Variants in CEP57 observed in about 807,000 individuals in gnomAD.
CEP57 encodes the protein centrosomal protein 57, also known as centrosomal protein of 57 kDa.
A neutral mutation model predicts 68.0 loss-of-function variants in CEP57; 40 were observed. That is an observed-to-expected ratio of 0.59 (90% CI 0.46 to 0.77). CEP57 has a LOEUF of 0.77. CEP57 is among the 30% of genes least tolerant of loss of function. The pLI, the probability that CEP57 is intolerant of heterozygous loss-of-function variation, is 0.00. For synonymous variants in CEP57, 219 were observed against 198.7 expected (o/e 1.10, Z -0.86); for missense variants, 606 against 580.7 (o/e 1.04, Z -0.45).
At chr11:95,806,577 C>T (rs189471864) in intron 2 of CEP57, among the ~76,000 whole-genome samples, 1 of 151,328 alleles carries the variant, frequency 6.6e-6, no homozygotes, top group Non-Finnish European at 1.5e-5. Flanking sequence ...AGATTATATC[C>T]TGTTCCTGGC....
At chr11:95,809,275 A>G (rs1183415846) in intron 2 of CEP57, among the ~76,000 whole-genome samples, 1 of 152,208 alleles carries the variant, frequency 6.6e-6, no homozygotes, top group African/African-American at 2.4e-5. Flanking sequence ...TGACACCCTA[A>G]CATCACAATT....
At chr11:95,827,736 T>G in intron 8 of CEP57, 50 bp from the exon 9 acceptor site, 1 of 1,609,348 alleles carries the variant, frequency 6.2e-7, no homozygotes, top group Non-Finnish European at 8.5e-7. Context: ...TAGAAAGTGG[T>G]GTAGAGAATA....
chr11:95,819,650 T>C (rs536185818), intron 6 of CEP57, among the ~76,000 whole-genome samples: 10 of 152,322 alleles, frequency 6.6e-5, no homozygotes, highest in African/African-American at 2.4e-4. Flanking sequence ...TTTTATGATA[T>C]TTGCATGTAT....
rs117602509 is a variant in CEP57 at position 95,821,986 on chromosome 11, G to A, written c.807+8G>A. On this transcript the variant is annotated splice_region_variant and intron_variant, in intron 7 of 10. Transcript: ENST00000325542. ...TCAAAACCACCAGAAAAGGTGTGAA[G>A]ACAGAACCAAATCAGGCAAAATGCT... is the stretch of plus-strand genomic sequence containing the variant. 898 of 1,595,888 alleles carry A rather than the reference G, an allele frequency of 5.6e-4. 12 individuals are homozygous for A. In the East Asian group the frequency reaches 0.019, roughly 34 times the overall value.
chr11:95,814,504 G>A (rs993443991), intron 4 of CEP57, among the ~76,000 whole-genome samples: 16 of 152,046 alleles, frequency 1.1e-4, no homozygotes, highest in African/African-American at 3.9e-4. Context: ...GGGATTACAG[G>A]CATGTGCCAC....
intron 1 of CEP57, among the ~76,000 whole-genome samples, chr11:95,796,165 A>G (rs1041623467): frequency 1.3e-5 from 2 of 152,250 alleles, no homozygotes; most frequent in Admixed American, 6.5e-5. Context: ...AGCAAGTAAT[A>G]TGCATTTTTA....
At chr11:95,808,846 G>A (rs1253421203) in intron 2 of CEP57, among the ~76,000 whole-genome samples, 3 of 152,186 alleles carry the variant, frequency 2.0e-5, no homozygotes, top group African/African-American at 2.4e-5. Context: ...GTTCTGCACC[G>A]AGCGAACCTA....
chr11:95,824,149 C>T (rs990265963), intron 8 of CEP57, among the ~76,000 whole-genome samples: 1 of 150,042 alleles, frequency 6.7e-6, no homozygotes, highest in Non-Finnish European at 1.5e-5. Flanking sequence ...AGGAGGCTGA[C>T]AGAAGAGGAT....
In CEP57 at chr11:95,799,244, G is replaced by A; in HGVS notation, c.58G>A (p.Glu20Lys). The A allele has an allele frequency of 6.2e-7, 1 of 1,614,008 alleles. No homozygotes were observed. The highest frequency in any genetic ancestry group is 8.5e-7 in the Non-Finnish European group (1 of 1,179,980). The change falls in exon 2 of 11, where the codon GAG becomes AAG. Residue 20 changes from glutamate (E) to lysine (K), a missense_variant. Glu to Lys is a moderately conservative substitution (Grantham distance 56). Coordinates refer to ENST00000325542, the MANE Select transcript of CEP57 (RefSeq NM_014679.5). Reference sequence around the variant, plus strand: ...CTTTATTTTTTAGAACAGCTTTGCTGAGCCATCAAGGTCTAATGGAAGCAT... The same window carrying A: ...CTTTATTTTTTAGAACAGCTTTGCTAAGCCATCAAGGTCTAATGGAAGCAT... The part of the protein sequence containing the change: ...SGSHLSNSFA[E>K]PSRSNGSMVR...
rs1458232117 is a variant in CEP57, at chr11:95,817,825, T to C, written c.543T>C (p.His181=). 3.7e-6 allele frequency: 6 copies of C among 1,613,890 alleles called. No individual in the cohort carries two copies. Among genetic ancestry groups the C allele is most frequent in the East Asian group, 4.5e-5 (2 of 44,850 alleles). ...GAGAACGACAACATGATCAAACACA[T>C]GTTCAGAGCCAACTTGAAAAATTGG... The part of the protein sequence containing the change: ...LERERQHDQT[H]VQSQLEKLDL... Residue 181 remains histidine, a synonymous_variant, in exon 5 of 11, where the codon CAT becomes CAC. Coordinates refer to ENST00000325542, the MANE Select transcript of CEP57 (RefSeq NM_014679.5).
intron 1 of CEP57, chr11:95,794,290 TC>T (rs748839276): frequency 2.2e-6 from 1 of 455,956 alleles, no homozygotes; most frequent in South Asian, 1.5e-5. Flanking sequence ...TCAACCCGTA[TC>T]ATTTTCAAGA....
chr11:95,817,699 C>A, intron 4 of CEP57, 88 bp from the exon 5 acceptor site: 2 of 874,246 alleles, frequency 2.3e-6, no homozygotes, highest in Non-Finnish European at 3.9e-6. Flanking sequence ...ATGTGAAGGG[C>A]CAAATAACAG....
At chr11:95,790,414 G>A, upstream of CEP57, 1 of 533,098 alleles carries the variant, frequency 1.9e-6, no homozygotes, top group East Asian at 3.2e-5. Context: ...GACGTCACCA[G>A]GGAAGAGGCG....
At chr11:95,829,411 C>T in intron 10 of CEP57, 80 bp downstream of exon 10, 1 of 1,344,512 alleles carries the variant, frequency 7.4e-7, no homozygotes, top group Non-Finnish European at 1.1e-6. Flanking sequence ...AATGATGACA[C>T]TAAGTGTATC....
intron 4 of CEP57, among the ~76,000 whole-genome samples, chr11:95,814,888 G>A (rs115680125): frequency 1.3e-3 from 202 of 152,238 alleles, no homozygotes; most frequent in African/African-American, 4.5e-3. Context: ...ATCCATGGAT[G>A]CTCAAGTCTC....
rs1005543441 is a variant in CEP57 at position 95,827,883 on chromosome 11, A to G, written c.983A>G (p.Asn328Ser). Residue 328 changes from asparagine (N) to serine (S), a missense_variant, in exon 9 of 11, where the codon AAC becomes AGC. Coordinates refer to ENST00000325542, the MANE Select transcript of CEP57 (RefSeq NM_014679.5). ...SKALCNDRVI[N>S]SIPLAKQVSS... is the part of the protein sequence containing the mutation. ...GCTTTGTGCAATGATCGAGTCATCA[A>G]CAGTATTCCTTTGGCAAAGCAAGTA... 3 of 1,614,058 alleles carry G rather than the reference A, an allele frequency of 1.9e-6. No individual in the cohort carries two copies. The African/African-American group carries it at 4.0e-5, about 22-fold the overall frequency.
intron 10 of CEP57, among the ~76,000 whole-genome samples, chr11:95,830,338 A>G (rs1050204040): frequency 6.6e-6 from 1 of 152,208 alleles, no homozygotes; most frequent in African/African-American, 2.4e-5. Flanking sequence ...TTCAAAGTTC[A>G]TGTATGAAAA....
At chr11:95,811,389 T>C (rs559099284) in intron 2 of CEP57, among the ~76,000 whole-genome samples, 44 of 135,100 alleles carry the variant, frequency 3.3e-4, no homozygotes, top group Middle Eastern at 4.2e-3. Context: ...ATGAGAACAC[T>C]TGGACACAGG....
chr11:95,802,453 C>A (rs1861623090), intron 2 of CEP57, among the ~76,000 whole-genome samples: 1 of 151,984 alleles, frequency 6.6e-6, no homozygotes, highest in Non-Finnish European at 1.5e-5. Flanking sequence ...CAGGGTTTAA[C>A]CATGTTGGCC....
Sources: gnomAD v4.1 joint callset for allele counts (sites outside exome capture counted in the v4.1 genomes callset) on GRCh38, gnomAD v4.1.1 for gene constraint, MANE v1.5 for transcripts, NCBI Gene and HGNC (gene_info 2026-07-23, HGNC 2026-07-21) for gene names.